PRDM10: variants seen among roughly 807,000 people sequenced by gnomAD.
The protein encoded by PRDM10 is PR domain zinc finger protein 10.
Under a neutral mutation model 133.1 loss-of-function variants are expected in PRDM10, and 65 were observed. The ratio of observed to expected loss-of-function variants is 0.49; its 90% CI spans 0.40 to 0.60. PRDM10 has a LOEUF of 0.60. PRDM10 is among the 20% of genes least tolerant of loss of function. The pLI, the probability that PRDM10 is intolerant of heterozygous loss-of-function variation, is 0.00. For missense variants in PRDM10, 1,137 were observed against 1,507.1 expected, an observed-to-expected ratio of 0.75 and a Z score of 4.07; for synonymous variants, 582 against 580.4, an observed-to-expected ratio of 1.00 and a Z score of -0.04.
chr11:129,935,617 C>A (rs1951004777), intron 8 of PRDM10, among the ~76,000 whole-genome samples: 1 of 152,004 alleles, frequency 6.6e-6, no homozygotes, highest in South Asian at 2.1e-4. Context: ...AAGTCAATGC[C>A]CAGTATAATT....
chr11:129,997,396 C>T (rs1939119311), intron 1 of PRDM10, among the ~76,000 whole-genome samples: 1 of 149,362 alleles, frequency 6.7e-6, no homozygotes, highest in East Asian at 1.9e-4. Context: ...GGGAGGATCA[C>T]TTGAGCCTGG....
At chr11:129,944,210 G>A (rs1951313619) in intron 6 of PRDM10, among the ~76,000 whole-genome samples, 1 of 152,122 alleles carries the variant, frequency 6.6e-6, no homozygotes. Context: ...TCTGTTGTTT[G>A]AGCCTCCCAG....
intron 16 of PRDM10, 124 bp downstream of exon 16, chr11:129,915,536 C>G: frequency 9.2e-7 from 1 of 1,081,796 alleles, no homozygotes; most frequent in African/African-American, 1.6e-5. Context: ...AGGACAACAT[C>G]TCTTTCAGTC....
At position 129,931,125 on chromosome 11, in the gene PRDM10, T is replaced by C. The variant is rs1335453237; in HGVS notation, c.1421A>G (p.His474Arg). 1.9e-6 allele frequency: 3 copies of C among 1,614,236 alleles called. No homozygotes were observed. The highest frequency in any genetic ancestry group is 1.7e-5 in the Admixed American group (1 of 60,028). Residue 474 changes from histidine (H) to arginine (R), a missense_variant, in exon 11 of 21, where the codon CAT becomes CGT. Transcript: ENST00000360871. ...LPQETQSSLE[H>R]EPETHTLHLQ... ...GTGCAGGGTGTGAGTTTCTGGTTCA[T>C]GTTCCAGGGAAGACTGGGTTTCCTG...
intron 19 of PRDM10, among the ~76,000 whole-genome samples, chr11:129,908,704 A>G (rs546379513): frequency 6.6e-6 from 1 of 152,212 alleles, no homozygotes; most frequent in South Asian, 2.1e-4. Context: ...CAGTCCCAGA[A>G]TCTTTTCTAC....
chr11:130,002,116 T>C (rs1263728400), intron 1 of PRDM10, among the ~76,000 whole-genome samples: 3 of 150,298 alleles, frequency 2.0e-5, no homozygotes, highest in African/African-American at 7.3e-5. Flanking sequence ...CCCGGAGCCC[T>C]GCCCGCACTG....
rs562397036 is a variant in PRDM10 at position 129,900,999 on chromosome 11, G to T, written c.*1314C>A. 6.5e-6 allele frequency: 1 copy of T among 152,708 alleles called. No homozygotes were observed. The highest frequency in any genetic ancestry group is 2.4e-5 in the African/African-American group (1 of 41,566). 9.5% of individuals were successfully genotyped at this position (152,708 alleles called of 1,614,324 possible). A position where few individuals can be genotyped will look rare whatever the true frequency, so the allele number is the denominator to read the frequency against. On this transcript the variant is annotated 3_prime_UTR_variant, in exon 21 of 21. Coordinates refer to ENST00000360871, the MANE Select transcript of PRDM10 (RefSeq NM_199437.2). Reference sequence around the variant, plus strand: ...ATTAACTTCATTTGAAATGAAGTAAGGTCTTTCTGTTCTGGAGTAATAAAT... The same window carrying T: ...ATTAACTTCATTTGAAATGAAGTAATGTCTTTCTGTTCTGGAGTAATAAAT...
chr11:129,924,039 C>G (rs571654669), intron 12 of PRDM10, among the ~76,000 whole-genome samples: 14 of 152,236 alleles, frequency 9.2e-5, no homozygotes, highest in African/African-American at 3.4e-4. Context: ...CTTCTGAACT[C>G]TCTTAGCCAC....
At chr11:129,936,528 C>T (rs1047125837) in intron 8 of PRDM10, among the ~76,000 whole-genome samples, 24 of 152,074 alleles carry the variant, frequency 1.6e-4, no homozygotes, top group African/African-American at 5.6e-4. Context: ...TGGAGGGCGC[C>T]TGTAGTCCCA....
intron 4 of PRDM10, among the ~76,000 whole-genome samples, chr11:129,952,430 T>C (rs1052561171): frequency 2.6e-5 from 4 of 152,170 alleles, no homozygotes; most frequent in Non-Finnish European, 5.9e-5. Context: ...ATCAAAATAA[T>C]TTCACACAAA....
chr11:129,920,508 T>C (rs1339754148), intron 13 of PRDM10, among the ~76,000 whole-genome samples: 1 of 152,152 alleles, frequency 6.6e-6, no homozygotes, highest in Non-Finnish European at 1.5e-5. Context: ...TGCCTCGGCC[T>C]GAATTAGCCC....
At chr11:129,914,444 G>A (rs1950287699) in intron 17 of PRDM10, 3 of 546,632 alleles carry the variant, frequency 5.5e-6, no homozygotes, top group Admixed American at 6.2e-5. Flanking sequence ...CAGGTGCTGT[G>A]GCTACTGTCC....
rs746008116 is a variant in PRDM10 at position 129,932,282 on chromosome 11, T to C, written c.1158-51A>G. The C allele has an allele frequency of 2.6e-5, 42 of 1,591,824 alleles. 1 individual carries two copies. The South Asian group carries it at 4.2e-4, about 16-fold the overall frequency. On this transcript the variant is annotated intron_variant, in intron 9 of 20. Coordinates refer to ENST00000360871, the MANE Select transcript of PRDM10 (RefSeq NM_199437.2). ...GTCGTCATGGTTACATAATACTCCA[T>C]AACAAGTAGCGACCTAAATGATCCT...
At position 129,902,520 on chromosome 11, in the gene PRDM10, G is replaced by C; in HGVS notation, c.3268-4C>G. On this transcript the variant is annotated splice_region_variant and splice_polypyrimidine_tract_variant and intron_variant, in intron 20 of 20. Coordinates refer to ENST00000360871, the MANE Select transcript of PRDM10 (RefSeq NM_199437.2). Reference sequence around the variant, plus strand: ...TTTCTGATAACACATAATGACCCTAGAGGAAGAAGAAAAGGATCCTTAAAA... The same window carrying C: ...TTTCTGATAACACATAATGACCCTACAGGAAGAAGAAAAGGATCCTTAAAA... The C allele has an allele frequency of 6.2e-7, 1 of 1,612,846 alleles. No individual in the cohort carries two copies.
chr11:129,989,094 G>T (rs1180354406), intron 1 of PRDM10, among the ~76,000 whole-genome samples: 1 of 152,182 alleles, frequency 6.6e-6, no homozygotes, highest in Non-Finnish European at 1.5e-5. Flanking sequence ...TTGGTCTACA[G>T]TTCCCACACT....
chr11:129,966,113 G>A (rs745910979), intron 1 of PRDM10, among the ~76,000 whole-genome samples: 5 of 152,010 alleles, frequency 3.3e-5, no homozygotes, highest in African/African-American at 7.3e-5. Flanking sequence ...GCTTGGTGGC[G>A]TGTGCCTGTA....
rs1408425403 is a variant in PRDM10 at position 129,995,261 on chromosome 11, T to TTATTAATATAC, written c.-119+7450_-119+7460dup. ...ATACATGATGGAAGAGACTGAAACC[T>TTATTAATATAC]TATTAATATACATCCCCTGCCTGGG... is the stretch of plus-strand genomic sequence containing the variant. On this transcript the variant is annotated intron_variant, in intron 1 of 20. Coordinates refer to ENST00000360871, the MANE Select transcript of PRDM10 (RefSeq NM_199437.2). 7.2e-5 allele frequency among the ~76,000 whole-genome samples: 11 copies of TTATTAATATAC among 152,298 alleles called. No individual in the cohort carries two copies. In the East Asian group the frequency reaches 2.1e-3, roughly 29 times the overall value.
intron 17 of PRDM10, among the ~76,000 whole-genome samples, chr11:129,912,682 G>A (rs1233228660): frequency 5.3e-5 from 8 of 151,792 alleles, no homozygotes; most frequent in Non-Finnish European, 1.2e-4. Context: ...AACCTGGGAG[G>A]CGGAGCTTGC....
Position 129,932,178 on chromosome 11 carries a change from C to T in PRDM10, c.1211G>A (p.Arg404Gln), listed in dbSNP as rs1950891072. ...GATAAATTTTGGAGGACGCCCCGGC[C>T]GTCGACCTGGACCGAATCGCCTCTT... ...RGKRRFGPGR[R>Q]PGRPPKFIRL... Residue 404 changes from arginine to glutamine, a missense_variant, in exon 10 of 21, where the codon CGG (arginine) becomes CAG (glutamine). Physicochemically the swap from Arg to Gln is conservative, Grantham distance 43. This residue lies in a region of PRDM10 where 635 missense variants were observed against 835.2 expected (regional missense o/e 0.76). Transcript: ENST00000360871. The T allele has an allele frequency of 1.9e-6, 3 of 1,613,998 alleles. No individual in the cohort carries two copies. Among genetic ancestry groups the T allele is most frequent in the Non-Finnish European group, 2.5e-6 (3 of 1,180,000 alleles).
Sources: gnomAD v4.1 joint callset for allele counts (sites outside exome capture counted in the v4.1 genomes callset) on GRCh38, gnomAD v4.1.1 for gene constraint, gnomAD v4.1.1 regional missense constraint, MANE v1.5 for transcripts, NCBI Gene and HGNC (gene_info 2026-07-23, HGNC 2026-07-21) for gene names.